The following KCTD8 variants were observed in gnomAD, a reference collection of about 807,000 sequenced individuals.
KCTD8 encodes the protein potassium channel tetramerization domain containing 8, also known as BTB/POZ domain-containing protein KCTD8.
KCTD8 carries 27 observed loss-of-function variants against 31.5 expected under a neutral mutation model. The ratio of observed to expected loss-of-function variants is 0.86; its 90% confidence interval spans 0.63 to 1.18. The LOEUF is 1.18. KCTD8 is among the 50% of genes most tolerant of loss of function. KCTD8 has a pLI of 0.00. For synonymous variants in KCTD8, 290 were observed against 280.0 expected, an observed-to-expected ratio of 1.04 and a Z score of -0.36; for missense variants, 658 against 647.7, an observed-to-expected ratio of 1.02 and a Z score of -0.17.
At chr4:44,303,652 C>CA (rs1042976625) in intron 1 of KCTD8, among the ~76,000 whole-genome samples, 2 of 151,702 alleles carry the variant, frequency 1.3e-5, no homozygotes, top group African/African-American at 2.4e-5. Context: ...CCCATCTCTA[C>CA]AAAAAATACA....
chr4:44,361,751 T>C (rs1320753635), intron 1 of KCTD8, among the ~76,000 whole-genome samples: 1 of 152,092 alleles, frequency 6.6e-6, no homozygotes. Flanking sequence ...AATAGGATAA[T>C]TATGAATATT....
chr4:44,201,625 C>T lies in KCTD8; in HGVS notation c.962-26375G>A, dbSNP rs187653668. 4.6e-5 allele frequency among the ~76,000 whole-genome samples: 7 copies of T among 152,076 alleles called. No homozygotes were observed. The East Asian group carries it at 1.4e-3, about 29-fold the overall frequency. On this transcript the variant is annotated intron_variant, in intron 1 of 1. Transcript: ENST00000360029. ...CATGGAGAATTACATTGGACTCTAC[C>T]TTTCCCCATATATGAAAATTAACTC...
At chr4:44,261,051 G>A (rs531690829) in intron 1 of KCTD8, among the ~76,000 whole-genome samples, 1 of 152,084 alleles carries the variant, frequency 6.6e-6, no homozygotes, top group South Asian at 2.1e-4. Flanking sequence ...ATTAGAAGTG[G>A]TAAGACTTCA....
intron 1 of KCTD8, among the ~76,000 whole-genome samples, chr4:44,244,974 A>G (rs1715611398): frequency 6.6e-6 from 1 of 152,156 alleles, no homozygotes; most frequent in Non-Finnish European, 1.5e-5. Flanking sequence ...AAGGAAAGAC[A>G]TCGTACCCTT....
At chr4:44,400,765 C>A (rs988275154) in intron 1 of KCTD8, among the ~76,000 whole-genome samples, 1 of 149,142 alleles carries the variant, frequency 6.7e-6, no homozygotes, top group African/African-American at 2.5e-5. Flanking sequence ...ACTTTCAATT[C>A]TGCAAACTCA....
At chr4:44,248,285 T>TA (rs757470321) in intron 1 of KCTD8, among the ~76,000 whole-genome samples, 7 of 151,886 alleles carry the variant, frequency 4.6e-5, no homozygotes, top group Non-Finnish European at 7.4e-5. Context: ...GTTTATAATT[T>TA]ACCTGAAATT....
intron 1 of KCTD8, among the ~76,000 whole-genome samples, chr4:44,298,721 G>C (rs561164422): frequency 5.9e-5 from 9 of 152,156 alleles, no homozygotes; most frequent in African/African-American, 2.2e-4. Context: ...ACACCCACTG[G>C]CTCTGTACTA....
chr4:44,272,186 T>C (rs1716633146), intron 1 of KCTD8, among the ~76,000 whole-genome samples: 1 of 150,600 alleles, frequency 6.6e-6, no homozygotes, highest in African/African-American at 2.5e-5. Context: ...ATCCATCAAG[T>C]ATTGTCAATT....
Position 44,388,750 on chromosome 4 carries a change from G to A in KCTD8, c.961+58813C>T, listed in dbSNP as rs151142651. On this transcript the variant is annotated intron_variant, in intron 1 of 1. Coordinates refer to ENST00000360029, the MANE Select transcript of KCTD8 (RefSeq NM_198353.3). Reference sequence around the variant, plus strand: ...GAGGATCAGGAAAAACAACTAATGAGTGCTAGGTTTAATACCTGGGTGATG... The same window carrying A: ...GAGGATCAGGAAAAACAACTAATGAATGCTAGGTTTAATACCTGGGTGATG... Among the ~76,000 whole-genome samples, 1,017 of 151,712 alleles carry A rather than the reference G, an allele frequency of 6.7e-3. 8 individuals carry two copies. The highest frequency in any genetic ancestry group is 0.034 in the Middle Eastern group (10 of 294).
At chr4:44,217,376 G>A (rs140965020) in intron 1 of KCTD8, among the ~76,000 whole-genome samples, 1 of 152,282 alleles carries the variant, frequency 6.6e-6, no homozygotes, top group East Asian at 1.9e-4. Context: ...AAAGTGGTCT[G>A]TAGGAAGATT....
chr4:44,370,632 G>A (rs937321345), intron 1 of KCTD8, among the ~76,000 whole-genome samples: 4 of 152,080 alleles, frequency 2.6e-5, no homozygotes, highest in Non-Finnish European at 5.9e-5. Context: ...AAATAAGGAG[G>A]ATAACAATCA....
chr4:44,251,610 T>A (rs1351731936), intron 1 of KCTD8, among the ~76,000 whole-genome samples: 1 of 151,576 alleles, frequency 6.6e-6, no homozygotes, highest in East Asian at 1.9e-4. Flanking sequence ...ATTTTCTAAT[T>A]ATGTATTGCT....
At chr4:44,376,465 C>G (rs971339550) in intron 1 of KCTD8, among the ~76,000 whole-genome samples, 11 of 152,128 alleles carry the variant, frequency 7.2e-5, no homozygotes, top group African/African-American at 2.7e-4. Context: ...GCACTTTGAA[C>G]CTGAGGGAAC....
chr4:44,429,216 C>T (rs55899127), intron 1 of KCTD8, among the ~76,000 whole-genome samples: 16,020 of 151,698 alleles, frequency 0.11, 1,779 homozygotes, highest in African/African-American at 0.27. Context: ...AAAAAAAAAG[C>T]TACTCTTTCC....
At chr4:44,303,687 G>A (rs1198825647) in intron 1 of KCTD8, among the ~76,000 whole-genome samples, 1 of 151,804 alleles carries the variant, frequency 6.6e-6, no homozygotes, top group Non-Finnish European at 1.5e-5. Flanking sequence ...GTGGTGCTGT[G>A]CTCCTGTAGT....
intron 1 of KCTD8, among the ~76,000 whole-genome samples, chr4:44,389,404 C>T (rs982636042): frequency 4.0e-5 from 6 of 151,546 alleles, no homozygotes; most frequent in Non-Finnish European, 7.4e-5. Flanking sequence ...TAAATACACA[C>T]ACATGAAAAA....
chr4:44,296,411 T>C (rs1717436027), intron 1 of KCTD8, among the ~76,000 whole-genome samples: 1 of 151,532 alleles, frequency 6.6e-6, no homozygotes, highest in Non-Finnish European at 1.5e-5. Flanking sequence ...ATAAATGGTA[T>C]CGTAACAGTG....
intron 1 of KCTD8, among the ~76,000 whole-genome samples, chr4:44,277,789 G>T (rs2109376656): frequency 6.6e-6 from 1 of 151,924 alleles, no homozygotes; most frequent in Admixed American, 6.6e-5. Flanking sequence ...TAAAGATAAA[G>T]AATCTGAGGT....
At chr4:44,436,131 G>A (rs1217398719) in intron 1 of KCTD8, among the ~76,000 whole-genome samples, 2 of 151,954 alleles carry the variant, frequency 1.3e-5, no homozygotes, top group African/African-American at 4.8e-5. Flanking sequence ...CTGATTAGTG[G>A]GGCAAATTGG....
Sources: gnomAD v4.1 joint callset for allele counts (sites outside exome capture counted in the v4.1 genomes callset) on GRCh38, gnomAD v4.1.1 for gene constraint, MANE v1.5 for transcripts, NCBI Gene and HGNC (gene_info 2026-07-23, HGNC 2026-07-21) for gene names.